Variants in PCDH9 observed in about 807,000 individuals in gnomAD.
The protein encoded by PCDH9 is protocadherin 9.
A neutral mutation model predicts 70.6 loss-of-function variants in PCDH9; 24 were observed. The ratio of observed to expected loss-of-function variants is 0.34; its 90% CI spans 0.25 to 0.48. The LOEUF is 0.48. Among genes scored for constraint, PCDH9 ranks in the 20% least tolerant of loss-of-function variants. The probability of loss-of-function intolerance (pLI) is 0.99; values close to 1 mark genes in which losing one functional copy is unlikely to be tolerated. For synonymous variants in PCDH9, 562 were observed against 558.5 expected (o/e 1.01, Z -0.09); for missense variants, 1,281 against 1,503.6 (o/e 0.85, Z 2.45).
chr13:67,176,669 T>A (rs975452810), intron 2 of PCDH9, among the ~76,000 whole-genome samples: 2 of 151,998 alleles, frequency 1.3e-5, no homozygotes, highest in African/African-American at 4.8e-5. Context: ...TAATAGAACA[T>A]CAAGTAAGAA....
intron 4 of PCDH9, among the ~76,000 whole-genome samples, chr13:66,506,725 A>G (rs1959220702): frequency 6.6e-6 from 1 of 152,246 alleles, no homozygotes; most frequent in Non-Finnish European, 1.5e-5. Flanking sequence ...ATAAGATACT[A>G]TCTATTGCAT....
rs549864389 is a variant in PCDH9 at position 67,105,987 on chromosome 13, C to CT, written c.3036+119417dup. 3.6e-3 allele frequency among the ~76,000 whole-genome samples: 539 copies of CT among 151,816 alleles called. 2 individuals carry two copies. Among genetic ancestry groups the CT allele is most frequent in the African/African-American group, 0.012 (513 of 41,462 alleles). ...GTAGGAAAGAAATTTTGAAGGGACT[C>CT]TAAGTCAGCTAGAAATCTGGTCAAT... On this transcript the variant is annotated intron_variant, in intron 2 of 4. Transcript: ENST00000377865.
At chr13:66,330,668 G>T (rs905099688) in intron 4 of PCDH9, among the ~76,000 whole-genome samples, 1 of 152,092 alleles carries the variant, frequency 6.6e-6, no homozygotes, top group African/African-American at 2.4e-5. Context: ...AATTTTTCTG[G>T]TATAGTAGAG....
chr13:67,039,524 C>T (rs139033004), intron 2 of PCDH9, among the ~76,000 whole-genome samples: 1 of 152,188 alleles, frequency 6.6e-6, no homozygotes, highest in East Asian at 1.9e-4. Context: ...AGTGTTTCCT[C>T]TTGTCTTCTT....
chr13:66,567,026 T>C (rs1593692541), intron 4 of PCDH9, among the ~76,000 whole-genome samples: 1 of 152,100 alleles, frequency 6.6e-6, no homozygotes, highest in East Asian at 1.9e-4. Context: ...TGAAAGAATA[T>C]AGTGAGGGGA....
At chr13:67,133,023 C>A (rs1299496629) in intron 2 of PCDH9, among the ~76,000 whole-genome samples, 1 of 152,034 alleles carries the variant, frequency 6.6e-6, no homozygotes, top group African/African-American at 2.4e-5. Context: ...AAAAGATAAA[C>A]TCAAAAAGAT....
intron 4 of PCDH9, among the ~76,000 whole-genome samples, chr13:66,505,723 C>CCCA (rs1316559746): frequency 2.0e-5 from 3 of 152,182 alleles, no homozygotes; most frequent in Non-Finnish European, 4.4e-5. Context: ...ACAGGAAAGA[C>CCCA]CCACCACTAT....
intron 2 of PCDH9, among the ~76,000 whole-genome samples, chr13:67,187,046 T>A (rs2088777470): frequency 6.6e-6 from 1 of 152,200 alleles, no homozygotes; most frequent in Non-Finnish European, 1.5e-5. Context: ...ACATTTTTCC[T>A]CTAAACTTTT....
chr13:67,175,721 A>T (rs981273684), intron 2 of PCDH9, among the ~76,000 whole-genome samples: 2 of 152,194 alleles, frequency 1.3e-5, no homozygotes, highest in Non-Finnish European at 2.9e-5. Context: ...AATTGGTTAC[A>T]GATAGAATAT....
chr13:66,826,854 G>C (rs1356439708), intron 3 of PCDH9, among the ~76,000 whole-genome samples: 1 of 152,102 alleles, frequency 6.6e-6, no homozygotes, highest in East Asian at 1.9e-4. Flanking sequence ...GTAAAACCTT[G>C]ATTTGCTAAA....
At chr13:66,987,775 G>A (rs2083922861) in intron 2 of PCDH9, among the ~76,000 whole-genome samples, 1 of 151,844 alleles carries the variant, frequency 6.6e-6, no homozygotes, top group Admixed American at 6.6e-5. Context: ...CAAGGGAAAT[G>A]GCTCTTAACT....
In PCDH9 at chr13:67,026,564, G is replaced by A. The variant is rs1266504190; in HGVS notation, c.3037-122959C>T. Among the ~76,000 whole-genome samples the A allele has an allele frequency of 3.3e-5, 5 of 152,022 alleles. No individual in the cohort carries two copies. In the East Asian group the frequency reaches 9.7e-4, roughly 29 times the overall value. ...ACATAGTGTTGGAAGTTCTGGCCAGGGCAATTAGGCAGGAGAAGGAAATAA... is the reference window on the plus strand; with the variant it reads ...ACATAGTGTTGGAAGTTCTGGCCAGAGCAATTAGGCAGGAGAAGGAAATAA... On this transcript the variant is annotated intron_variant, in intron 2 of 4. Transcript: ENST00000377865.
chr13:66,428,137 A>C (rs1957706747), intron 4 of PCDH9, among the ~76,000 whole-genome samples: 1 of 151,772 alleles, frequency 6.6e-6, no homozygotes, highest in African/African-American at 2.4e-5. Flanking sequence ...AGTTCAGAAC[A>C]AGTTTTGCAC....
chr13:66,654,596 CCTA>C (rs761926515), intron 3 of PCDH9, among the ~76,000 whole-genome samples: 49 of 151,912 alleles, frequency 3.2e-4, no homozygotes, highest in Non-Finnish European at 5.6e-4. Flanking sequence ...AATATGTGCA[CCTA>C]CTGTGTACAC....
At position 66,926,989 on chromosome 13, in the gene PCDH9, G is replaced by T. The variant is rs144805031; in HGVS notation, c.3037-23384C>A. On this transcript the variant is annotated intron_variant, in intron 2 of 4. Transcript: ENST00000377865. ...ATGGCCTTCTAATGAGAGATTTCCGGTCTCACTGTTTTTCTTTGACTCTCA... is the reference window on the plus strand; with the variant it reads ...ATGGCCTTCTAATGAGAGATTTCCGTTCTCACTGTTTTTCTTTGACTCTCA... 8.8e-4 allele frequency among the ~76,000 whole-genome samples: 134 copies of T among 152,124 alleles called. 2 individuals are homozygous for T. In the East Asian group the frequency reaches 0.023, roughly 26 times the overall value.
rs12872313 is a variant in PCDH9 at position 67,154,603 on chromosome 13, T to C, written c.3036+70802A>G. ...AAAAAAAAAAAAAAAAAAATATATA[T>C]ATACACACACACACACACACACACA... On this transcript the variant is annotated intron_variant, in intron 2 of 4. Transcript: ENST00000377865. Among the ~76,000 whole-genome samples, 557 of 84,754 alleles carry C rather than the reference T, an allele frequency of 6.6e-3. 17 individuals are homozygous for C. The highest frequency in any genetic ancestry group is 0.026 in the African/African-American group (525 of 20,334). The allele number at this position is 84,754 out of a possible 152,430, so 55.6% of individuals were successfully genotyped here. A position where few individuals can be genotyped will look rare whatever the true frequency, so the allele number is the denominator to read the frequency against.
rs116304265 is a variant in PCDH9, at chr13:66,842,350, T to C, written c.3138+61154A>G. Among the ~76,000 whole-genome samples the C allele has an allele frequency of 6.9e-3, 1,058 of 152,256 alleles. 10 individuals are homozygous for C. Among genetic ancestry groups the C allele is most frequent in the African/African-American group, 0.024 (991 of 41,546 alleles). On this transcript the variant is annotated intron_variant, in intron 3 of 4. Transcript: ENST00000377865. ...CTTACTTGCTCTCCCTATGTATACA[T>C]AGTAAATTAATTCTAATGTGGTTCA...
At chr13:66,792,356 A>G (rs1296556073) in intron 3 of PCDH9, among the ~76,000 whole-genome samples, 2 of 152,148 alleles carry the variant, frequency 1.3e-5, no homozygotes, top group African/African-American at 4.8e-5. Context: ...CACAGACCAT[A>G]TATGTGCAGC....
At chr13:66,422,915 G>C (rs1207228121) in intron 4 of PCDH9, among the ~76,000 whole-genome samples, 1 of 152,038 alleles carries the variant, frequency 6.6e-6, no homozygotes, top group Non-Finnish European at 1.5e-5. Flanking sequence ...GTGCTAGCCA[G>C]ACTAATAAAG....
Sources: gnomAD v4.1 joint callset for allele counts (sites outside exome capture counted in the v4.1 genomes callset) on GRCh38, gnomAD v4.1.1 for gene constraint, MANE v1.5 for transcripts, NCBI Gene and HGNC (gene_info 2026-07-23, HGNC 2026-07-21) for gene names.